The following ZNF729 variants were observed in gnomAD, a reference collection of about 807,000 sequenced individuals.
The protein encoded by ZNF729 is zinc finger protein 729.
In ZNF729, 15 loss-of-function variants were observed where a neutral mutation model predicts 12.2. The ratio of observed to expected loss-of-function variants is 1.23; its 90% CI spans 0.82 to 1.89. ZNF729 has a LOEUF of 1.89. Among genes scored for constraint, ZNF729 ranks in the 40% most tolerant of loss-of-function variants. The pLI, the probability that ZNF729 is intolerant of heterozygous loss-of-function variation, is 0.00. For synonymous variants in ZNF729, 492 were observed against 476.3 expected (o/e 1.03, Z -0.43); for missense variants, 1,540 against 1,456.7 (o/e 1.06, Z -0.93).
intron 3 of ZNF729, among the ~76,000 whole-genome samples, chr19:22,309,996 T>C (rs1461586905): frequency 6.6e-6 from 1 of 152,056 alleles, no homozygotes; most frequent in African/African-American, 2.4e-5. Flanking sequence ...GGTTGAGTTA[T>C]TGATTTGACT....
intron 1 of ZNF729, among the ~76,000 whole-genome samples, chr19:22,286,802 T>C (rs1968084419): frequency 6.6e-6 from 1 of 152,174 alleles, no homozygotes; most frequent in Non-Finnish European, 1.5e-5. Flanking sequence ...TCTGGGCCGC[T>C]CTGCACCCGC....
At chr19:22,307,773 A>T (rs1436580479) in intron 3 of ZNF729, among the ~76,000 whole-genome samples, 19 of 109,920 alleles carry the variant, frequency 1.7e-4, no homozygotes, top group Admixed American at 1.7e-4. Context: ...TTTTTCTTTT[A>T]TTACATCAAA....
intron 3 of ZNF729, among the ~76,000 whole-genome samples, chr19:22,312,478 T>TGTG (rs1568576354): frequency 7.0e-4 from 72 of 102,418 alleles, no homozygotes; most frequent in African/African-American, 3.2e-3. Flanking sequence ...GTGTGTGTGT[T>TGTG]TAGATAAAGA....
Position 22,313,682 on chromosome 19 carries a change from CA to C in ZNF729, c.266del (p.His89LeufsTer19), listed in dbSNP as rs1338846105. 4 of 1,489,132 alleles carry C rather than the reference CA, an allele frequency of 2.7e-6. No homozygotes were observed. The highest frequency in any genetic ancestry group is 3.6e-6 in the Non-Finnish European group (4 of 1,126,030). 92.2% of individuals were successfully genotyped at this position (1,489,132 alleles called of 1,614,324 possible). ...MVTKPPVMRS[H>X]FTQDLWPDQS... ...TTTATTTCTTCTAGTTATGCGTTCT[CA>C]TTTTACACAAGACCTTTGGCCAGAT... On this transcript the variant is annotated frameshift_variant, in exon 4 of 4. Transcript: ENST00000601693. LOFTEE classifies it low-confidence loss of function (END_TRUNC).
intron 1 of ZNF729, 107 bp from the exon 2 acceptor site, chr19:22,303,649 AAG>A: frequency 1.9e-6 from 2 of 1,058,562 alleles, no homozygotes; most frequent in Middle Eastern, 4.6e-4. Flanking sequence ...TCATCCCTAT[AAG>A]TTAGAATCTG....
intron 3 of ZNF729, 141 bp downstream of exon 3, chr19:22,304,924 T>C: frequency 1.1e-6 from 1 of 882,330 alleles, no homozygotes; most frequent in South Asian, 1.9e-5. Flanking sequence ...TAAATTTTGC[T>C]CTCACGTAGA....
intron 1 of ZNF729, among the ~76,000 whole-genome samples, chr19:22,292,488 G>A (rs1362562701): frequency 1.3e-5 from 2 of 151,830 alleles, no homozygotes; most frequent in African/African-American, 4.8e-5. Context: ...ACCCAGGCTG[G>A]AGTATAGTGG....
At chr19:22,301,681 GTT>G (rs1968307329) in intron 1 of ZNF729, among the ~76,000 whole-genome samples, 1 of 152,310 alleles carries the variant, frequency 6.6e-6, no homozygotes, top group African/African-American at 2.4e-5. Flanking sequence ...CCAGTGACCT[GTT>G]ACAGGTATGT....
chr19:22,295,038 T>TTTTGTGTGTGTG (rs377438567), intron 1 of ZNF729, among the ~76,000 whole-genome samples: 12 of 144,130 alleles, frequency 8.3e-5, no homozygotes, highest in African/African-American at 3.1e-4. Context: ...TCCTAGATAT[T>TTTTGTGTGTGTG]TGTGTGTGTG....
intron 3 of ZNF729, among the ~76,000 whole-genome samples, chr19:22,308,869 A>T (rs1003953231): frequency 5.3e-5 from 8 of 152,028 alleles, no homozygotes; most frequent in African/African-American, 1.9e-4. Context: ...CTTTAGTTTC[A>T]TTAAGTTCCC....
chr19:22,294,261 G>T (rs1323191360), intron 1 of ZNF729, among the ~76,000 whole-genome samples: 2 of 141,602 alleles, frequency 1.4e-5, no homozygotes, highest in Admixed American at 7.1e-5. Flanking sequence ...TTTTGTCAAA[G>T]ATCAGTTGGT....
In ZNF729 at chr19:22,315,112, T is replaced by C; in HGVS notation, c.1695T>C (p.Ile565=). 6.2e-7 allele frequency: 1 copy of C among 1,611,014 alleles called. No homozygotes were observed. The highest frequency in any genetic ancestry group is 8.5e-7 in the Non-Finnish European group (1 of 1,179,586). The stretch of plus-strand genomic sequence containing the variant: ...CAAAACTTACTGTACATAAGGTAAT[T>C]CATACTGGAGAGAAACCCTGCAAAT... ...WSSKLTVHKV[I]HTGEKPCKCE... The change falls in exon 4 of 4, where the codon ATT becomes ATC. Residue 565 remains isoleucine, a synonymous_variant. Coordinates refer to ENST00000601693, the MANE Select transcript of ZNF729 (RefSeq NM_001242680.2).
intron 1 of ZNF729, chr19:22,299,223 AGTTTTTGTTT>A: frequency 6.6e-6 from 1 of 151,982 alleles, no homozygotes; most frequent in South Asian, 2.1e-4. Context: ...ATCTAAATTG[AGTTTTTGTTT>A]GTTTGTTTGT....
In ZNF729 at chr19:22,293,494, A is replaced by ATTTTTTTTTTTTTTTTT. The variant is rs56180581; in HGVS notation, c.30+6940_30+6956dup. Among the ~76,000 whole-genome samples, 4 of 96,054 alleles carry ATTTTTTTTTTTTTTTTT rather than the reference A, an allele frequency of 4.2e-5. 1 individual carries two copies. Among genetic ancestry groups the ATTTTTTTTTTTTTTTTT allele is most frequent in the Non-Finnish European group, 3.9e-5 (2 of 51,392 alleles). The allele number at this position is 96,054 out of a possible 152,430, so 63.0% of individuals were successfully genotyped here. On this transcript the variant is annotated intron_variant, in intron 1 of 3. Coordinates refer to ENST00000601693, the MANE Select transcript of ZNF729 (RefSeq NM_001242680.2). Reference sequence around the variant, plus strand: ...AGCCACCACTCCTAGCCTTTTGTCTATTTTTTTTTTTTTTTTTGAGACAGT... The same window carrying ATTTTTTTTTTTTTTTTT: ...AGCCACCACTCCTAGCCTTTTGTCTATTTTTTTTTTTTTTTTTTTTTTTTTTTTTTTTTTGAGACAGT...
chr19:22,292,287 G>A (rs111433123), intron 1 of ZNF729, among the ~76,000 whole-genome samples: 3 of 152,042 alleles, frequency 2.0e-5, no homozygotes, highest in African/African-American at 7.3e-5. Flanking sequence ...ATGAGAACAT[G>A]CATTTGGTTT....
chr19:22,313,696 C>A lies in ZNF729; in HGVS notation c.279C>A (p.Asp93Glu). ...TTATGCGTTCTCATTTTACACAAGA[C>A]CTTTGGCCAGATCAGAGCACAAAAG... ...PPVMRSHFTQ[D>E]LWPDQSTKDS... is the part of the protein sequence containing the mutation. Residue 93 changes from aspartate to glutamate, a missense_variant, in exon 4 of 4, where the codon GAC (aspartate) becomes GAA (glutamate). Asp to Glu is a conservative substitution (Grantham distance 45). Coordinates refer to ENST00000601693, the MANE Select transcript of ZNF729 (RefSeq NM_001242680.2). 1 of 1,523,688 alleles carries A rather than the reference C, an allele frequency of 6.6e-7. No individual in the cohort carries two copies. Among genetic ancestry groups the A allele is most frequent in the Non-Finnish European group, 8.7e-7 (1 of 1,143,736 alleles). 94.4% of individuals were successfully genotyped at this position (1,523,688 alleles called of 1,614,324 possible).
At chr19:22,290,460 T>C (rs1041714866) in intron 1 of ZNF729, among the ~76,000 whole-genome samples, 2 of 152,186 alleles carry the variant, frequency 1.3e-5, no homozygotes, top group Non-Finnish European at 2.9e-5. Context: ...TCTTCAAGGA[T>C]TGCAAAGTTT....
In ZNF729 at chr19:22,316,892, C is replaced by T. The variant is rs757962446; in HGVS notation, c.3475C>T (p.Pro1159Ser). ...KHKIIHSVEK[P>S]YKCEECGKAF... ...TAAGATAATTCATTCTGTAGAGAAA[C>T]CCTACAAATGTGAAGAATGTGGCAA... The change falls in exon 4 of 4, where the codon CCC (proline) becomes TCC (serine). Residue 1159 changes from proline to serine, a missense_variant. Pro to Ser is a moderately conservative substitution (Grantham distance 74). Transcript: ENST00000601693. The T allele has an allele frequency of 6.2e-7, 1 of 1,612,908 alleles. No homozygotes were observed. Among genetic ancestry groups the T allele is most frequent in the Non-Finnish European group, 8.5e-7 (1 of 1,179,960 alleles).
rs1362174867 is a variant in ZNF729 at position 22,314,698 on chromosome 19, T to G, written c.1281T>G (p.Thr427=). 6.2e-7 allele frequency: 1 copy of G among 1,613,062 alleles called. No homozygotes were observed. Among genetic ancestry groups the G allele is most frequent in the Middle Eastern group, 1.7e-4 (1 of 6,060 alleles). ...TTAAAAAACATAAGATAATTCATAC[T>G]GGAAAGAAACCCTACAAATGTGAAG... The part of the protein sequence containing the change: ...STLKKHKIIH[T]GKKPYKCEEC... The change falls in exon 4 of 4, where the codon ACT becomes ACG. Residue 427 remains threonine, a synonymous_variant. Transcript: ENST00000601693.
Sources: allele counts gnomAD v4.1 joint callset (sites outside exome capture counted in the v4.1 genomes callset), GRCh38; gene constraint gnomAD v4.1.1; transcripts MANE v1.5; gene names NCBI Gene and HGNC (gene_info 2026-07-23, HGNC 2026-07-21).